Variants in PSD3 observed in about 807,000 individuals in gnomAD.
PSD3 encodes the protein pleckstrin and Sec7 domain containing 3, also known as PH and SEC7 domain-containing protein 3.
PSD3 carries 49 observed loss-of-function variants against 105.5 expected under a neutral mutation model. The observed-to-expected ratio is 0.46, with a 90% CI of 0.37 to 0.59. PSD3 has a LOEUF of 0.59. Ranked by LOEUF, PSD3 falls within the 20% of genes least tolerant of loss-of-function variation. The probability of loss-of-function intolerance (pLI) is 0.00; values close to 1 mark genes in which losing one functional copy is unlikely to be tolerated. For synonymous variants in PSD3, 557 were observed against 457.8 expected, an observed-to-expected ratio of 1.22 and a Z score of -2.77; for missense variants, 1,561 against 1,263.8, an observed-to-expected ratio of 1.24 and a Z score of -3.57.
At chr8:19,064,800 G>A (rs1204940487) in intron 1 of PSD3, among the ~76,000 whole-genome samples, 1 of 150,972 alleles carries the variant, frequency 6.6e-6, no homozygotes, top group Non-Finnish European at 1.5e-5. Flanking sequence ...AACATGAAAT[G>A]CCAGGAATTA....
At chr8:18,762,143 A>T (rs1806593009) in intron 9 of PSD3, among the ~76,000 whole-genome samples, 1 of 152,086 alleles carries the variant, frequency 6.6e-6, no homozygotes, top group South Asian at 2.1e-4. Flanking sequence ...GTCTGTTGGG[A>T]GGTGATTGGA....
chr8:19,079,164 A>G (rs1401532794), intron 1 of PSD3, among the ~76,000 whole-genome samples: 1 of 152,120 alleles, frequency 6.6e-6, no homozygotes, highest in African/African-American at 2.4e-5. Flanking sequence ...GAACGTTGTC[A>G]TGGGAACACT....
intron 8 of PSD3, among the ~76,000 whole-genome samples, chr8:18,776,840 G>C (rs1043720501): frequency 2.0e-5 from 3 of 152,084 alleles, no homozygotes; most frequent in Non-Finnish European, 4.4e-5. Flanking sequence ...CGTGGTTCTT[G>C]AATCTTCTTG....
intron 4 of PSD3, among the ~76,000 whole-genome samples, chr8:18,865,736 A>G (rs770135057): frequency 2.0e-5 from 3 of 152,138 alleles, no homozygotes; most frequent in Non-Finnish European, 2.9e-5. Flanking sequence ...TCACCACTAG[A>G]ACGTGGTCCT....
intron 2 of PSD3, among the ~76,000 whole-genome samples, chr8:18,906,592 T>C (rs1351295537): frequency 6.6e-6 from 1 of 152,208 alleles, no homozygotes. Flanking sequence ...AGGGACAATA[T>C]ATATGATCTT....
intron 10 of PSD3, among the ~76,000 whole-genome samples, chr8:18,638,184 C>G (rs1807405912): frequency 6.7e-6 from 1 of 148,822 alleles, no homozygotes; most frequent in South Asian, 2.1e-4. Context: ...AGATTCAGTA[C>G]TGTTACAGCC....
intron 3 of PSD3, 82 bp downstream of exon 3, chr8:18,871,544 G>A (rs1016358506): frequency 6.8e-7 from 1 of 1,477,200 alleles, no homozygotes; most frequent in African/African-American, 1.4e-5. Flanking sequence ...TTGTGATTGA[G>A]TTCTCATATC....
At chr8:18,978,001 C>T (rs573428709) in intron 1 of PSD3, among the ~76,000 whole-genome samples, 4 of 152,278 alleles carry the variant, frequency 2.6e-5, no homozygotes, top group East Asian at 1.9e-4. Flanking sequence ...AGAACCCATA[C>T]GTTCGATATC....
At chr8:18,830,526 G>C (rs904252478) in intron 4 of PSD3, among the ~76,000 whole-genome samples, 2 of 152,188 alleles carry the variant, frequency 1.3e-5, no homozygotes, top group African/African-American at 2.4e-5. Flanking sequence ...TTGTTTAAAA[G>C]AACAACAGAA....
At chr8:18,838,804 A>ATAG (rs1814366669) in intron 4 of PSD3, among the ~76,000 whole-genome samples, 1 of 52,342 alleles carries the variant, frequency 1.9e-5, no homozygotes, top group Admixed American at 1.6e-4. Flanking sequence ...TCCGTCTCAA[A>ATAG]TAATAATAAT....
chr8:19,018,066 T>C (rs972937634), upstream of PSD3, among the ~76,000 whole-genome samples: 16 of 152,204 alleles, frequency 1.1e-4, no homozygotes, highest in Non-Finnish European at 1.8e-4. Flanking sequence ...ACACTCATTA[T>C]TGTTTTTGTG....
chr8:18,694,194 C>T (rs2131006167), intron 9 of PSD3, among the ~76,000 whole-genome samples: 1 of 152,372 alleles, frequency 6.6e-6, no homozygotes, highest in African/African-American at 2.4e-5. Flanking sequence ...GTCCCTTCAA[C>T]ACCTGCCCAC....
At chr8:19,073,550 C>CAAAAAA (rs869154642) in intron 1 of PSD3, among the ~76,000 whole-genome samples, 187 of 69,150 alleles carry the variant, frequency 2.7e-3, no homozygotes, top group Middle Eastern at 0.013. Context: ...AACTGTCTCT[C>CAAAAAA]AAAAAAAAAA....
At chr8:18,599,269 G>T (rs1804259242) in intron 12 of PSD3, among the ~76,000 whole-genome samples, 1 of 152,084 alleles carries the variant, frequency 6.6e-6, no homozygotes, top group Admixed American at 6.5e-5. Context: ...CATATATGGG[G>T]GGAAGCTGGA....
chr8:18,541,128 T>C (rs1800127386), intron 15 of PSD3, among the ~76,000 whole-genome samples: 1 of 147,590 alleles, frequency 6.8e-6, no homozygotes, highest in Admixed American at 6.8e-5. Context: ...TTAGCACTTC[T>C]CCCCATCTGT....
chr8:18,910,933 AAAAAAAT>A (rs1334769269), intron 2 of PSD3, among the ~76,000 whole-genome samples: 2 of 138,666 alleles, frequency 1.4e-5, no homozygotes, highest in Non-Finnish European at 3.3e-5. Context: ...CATAAAATTC[AAAAAAAT>A]AAAAAAAAAA....
At chr8:18,669,297 T>C (rs1799646433) in intron 9 of PSD3, among the ~76,000 whole-genome samples, 1 of 152,208 alleles carries the variant, frequency 6.6e-6, no homozygotes, top group Non-Finnish European at 1.5e-5. Flanking sequence ...CAGTGGAACA[T>C]GAAACCACGA....
At chr8:18,657,571 GT>G (rs1183866801) in intron 9 of PSD3, among the ~76,000 whole-genome samples, 1 of 152,176 alleles carries the variant, frequency 6.6e-6, no homozygotes, top group Admixed American at 6.5e-5. Flanking sequence ...TTGCATATTT[GT>G]TTTGAAGAAC....
intron 1 of PSD3, among the ~76,000 whole-genome samples, chr8:19,049,406 T>C (rs1219180376): frequency 6.6e-6 from 1 of 152,172 alleles, no homozygotes; most frequent in African/African-American, 2.4e-5. Context: ...GAAAGGATGA[T>C]GTGCCAGGCA....
Sources: allele counts gnomAD v4.1 joint callset (sites outside exome capture counted in the v4.1 genomes callset), GRCh38; gene constraint gnomAD v4.1.1; transcripts MANE v1.5; gene names NCBI Gene and HGNC (gene_info 2026-07-23, HGNC 2026-07-21).